Variants in LTBP1 observed in about 807,000 individuals in gnomAD.
LTBP1 encodes the protein latent-transforming growth factor beta-binding protein 1.
A neutral mutation model predicts 207.6 loss-of-function variants in LTBP1; 129 were observed. The observed-to-expected ratio is 0.62, with a 90% CI of 0.54 to 0.72. The LOEUF (loss-of-function observed/expected upper bound fraction) is 0.72. Ranked by LOEUF, LTBP1 falls within the 30% of genes least tolerant of loss-of-function variation. The pLI is 0.00. For missense variants in LTBP1, 2,281 were observed against 2,217.2 expected (o/e 1.03, Z -0.58); for synonymous variants, 963 against 833.7 (o/e 1.16, Z -2.67).
chr2:33,342,139 C>G (rs2094634841), intron 24 of LTBP1, among the ~76,000 whole-genome samples: 1 of 152,158 alleles, frequency 6.6e-6, no homozygotes, highest in South Asian at 2.1e-4. Context: ...TGAGGCATCA[C>G]TTTTATAAGA....
intron 26 of LTBP1, among the ~76,000 whole-genome samples, chr2:33,354,681 T>TAC (rs1491166665): frequency 9.1e-6 from 1 of 109,584 alleles, no homozygotes; most frequent in East Asian, 2.6e-4. Flanking sequence ...AAACTAAAAC[T>TAC]ATACACACAC....
At chr2:33,294,300 G>A (rs909377210) in intron 20 of LTBP1, among the ~76,000 whole-genome samples, 20 of 151,860 alleles carry the variant, frequency 1.3e-4, no homozygotes, top group African/African-American at 4.4e-4. Flanking sequence ...GGGTTCTAGC[G>A]AATCTCCTGC....
chr2:33,232,340 C>T (rs1019606705), intron 9 of LTBP1, among the ~76,000 whole-genome samples: 1 of 152,140 alleles, frequency 6.6e-6, no homozygotes, highest in Non-Finnish European at 1.5e-5. Context: ...TCAGAGGAGC[C>T]TGACTAGAGT....
At chr2:33,020,565 G>A (rs1049098765) in intron 2 of LTBP1, among the ~76,000 whole-genome samples, 3 of 152,076 alleles carry the variant, frequency 2.0e-5, no homozygotes, top group South Asian at 2.1e-4. Flanking sequence ...TTTCAAATCC[G>A]AGCTCTTCTA....
At chr2:33,203,443 C>T (rs1445700855) in intron 7 of LTBP1, among the ~76,000 whole-genome samples, 1 of 152,194 alleles carries the variant, frequency 6.6e-6, no homozygotes, top group Non-Finnish European at 1.5e-5. Flanking sequence ...ATTCTTAGAA[C>T]TTCAGAGAAT....
chr2:33,394,121 C>T (rs1379030778), intron 32 of LTBP1, among the ~76,000 whole-genome samples: 6 of 152,090 alleles, frequency 3.9e-5, no homozygotes, highest in South Asian at 4.1e-4. Context: ...TATCCTTCTC[C>T]CACTTTTTGA....
intron 7 of LTBP1, among the ~76,000 whole-genome samples, chr2:33,201,677 T>C (rs925716217): frequency 6.6e-6 from 1 of 152,052 alleles, no homozygotes; most frequent in African/African-American, 2.4e-5. Flanking sequence ...ACTTCAAGAT[T>C]AAGGTCTTTA....
intron 7 of LTBP1, among the ~76,000 whole-genome samples, chr2:33,208,442 C>T (rs2090038099): frequency 6.6e-6 from 1 of 152,104 alleles, no homozygotes; most frequent in African/African-American, 2.4e-5. Flanking sequence ...GTAGAGCTGC[C>T]CTTTGTGTGT....
chr2:33,133,541 G>A (rs770979419), intron 4 of LTBP1, among the ~76,000 whole-genome samples: 1 of 152,200 alleles, frequency 6.6e-6, no homozygotes, highest in Non-Finnish European at 1.5e-5. Context: ...AAAACAGTGT[G>A]TGTCTTGCAA....
Position 33,217,631 on chromosome 2 carries a change from G to A in LTBP1, c.1781G>A (p.Cys594Tyr). The change falls in exon 8 of 34, where the codon TGC becomes TAC. Residue 594 changes from cysteine to tyrosine, a missense_variant. Physicochemically the swap from Cys to Tyr is radical, Grantham distance 194. Transcript: ENST00000404816. ...GGTACCTCCTGGGGCTTTAACAAAT[G>A]CCAGAAATGCCCCAAGAAACCATGT... Reference protein sequence around the residue: ...TVGTSWGFNKCQKCPKKPSYH... With the variant: ...TVGTSWGFNKYQKCPKKPSYH... 1 of 1,613,498 alleles carries A rather than the reference G, an allele frequency of 6.2e-7. No homozygotes were observed. Among genetic ancestry groups the A allele is most frequent in the Non-Finnish European group, 8.5e-7 (1 of 1,179,586 alleles).
At chr2:33,343,977 A>G (rs2094666901) in intron 25 of LTBP1, among the ~76,000 whole-genome samples, 1 of 152,214 alleles carries the variant, frequency 6.6e-6, no homozygotes, top group South Asian at 2.1e-4. Context: ...AGCCATGTTC[A>G]CTACATGGCA....
At chr2:33,064,029 A>G (rs1572455603) in intron 3 of LTBP1, among the ~76,000 whole-genome samples, 1 of 151,548 alleles carries the variant, frequency 6.6e-6, no homozygotes, top group South Asian at 2.1e-4. Context: ...AATTTTTGTA[A>G]TTTTAGTTGA....
chr2:33,026,843 G>A (rs1251536004), intron 3 of LTBP1, among the ~76,000 whole-genome samples: 1 of 152,192 alleles, frequency 6.6e-6, no homozygotes, highest in African/African-American at 2.4e-5. Context: ...GTACAGTCTA[G>A]TGATGATCCC....
chr2:33,119,353 T>C (rs372175035), intron 4 of LTBP1, among the ~76,000 whole-genome samples: 13 of 152,330 alleles, frequency 8.5e-5, no homozygotes, highest in African/African-American at 2.9e-4. Context: ...TAATCATTAT[T>C]AGAACAGAAA....
At chr2:32,984,373 A>G (rs556434111) in intron 2 of LTBP1, among the ~76,000 whole-genome samples, 1 of 152,298 alleles carries the variant, frequency 6.6e-6, no homozygotes, top group East Asian at 1.9e-4. Context: ...AGTAAAACAC[A>G]TGGCTTTAAA....
chr2:33,206,965 G>T (rs10205851), intron 7 of LTBP1, among the ~76,000 whole-genome samples: 8,185 of 151,970 alleles, frequency 0.054, 736 homozygotes, highest in African/African-American at 0.19. Context: ...GTGTTGTTTT[G>T]CCCCAAGGAA....
At position 33,021,044 on chromosome 2, in the gene LTBP1, A is replaced by G; in HGVS notation, c.701A>G (p.Gln234Arg). ...QDTSSPVFGGQSPGAASSWGP... is the reference protein window; with the variant it reads ...QDTSSPVFGGRSPGAASSWGP... The stretch of plus-strand genomic sequence containing the variant: ...ACCTCGTCACCAGTCTTTGGAGGGC[A>G]GAGTCCTGGGGCTGCTTCCTCGTGG... The change falls in exon 3 of 34, where the codon CAG (glutamine) becomes CGG (arginine). Residue 234 changes from glutamine to arginine, a missense_variant. Gln to Arg is a conservative substitution (Grantham distance 43, BLOSUM62 1). This residue lies in a region of LTBP1 where 555 missense variants were observed against 491.0 expected (regional missense o/e 1.13). Transcript: ENST00000404816. The G allele has an allele frequency of 6.2e-7, 1 of 1,614,132 alleles. No homozygotes were observed.
At chr2:33,157,422 G>A (rs1024643948) in intron 5 of LTBP1, among the ~76,000 whole-genome samples, 2 of 152,196 alleles carry the variant, frequency 1.3e-5, no homozygotes, top group Non-Finnish European at 1.5e-5. Flanking sequence ...GAAATCAGTA[G>A]GGAACTGTTT....
At chr2:33,094,383 G>A (rs1368129270) in intron 3 of LTBP1, among the ~76,000 whole-genome samples, 2 of 152,142 alleles carry the variant, frequency 1.3e-5, no homozygotes, top group East Asian at 1.9e-4. Context: ...GTTGTCTCTA[G>A]ACTTGTTTCT....
Sources: allele counts gnomAD v4.1 joint callset (sites outside exome capture counted in the v4.1 genomes callset), GRCh38; gene constraint gnomAD v4.1.1; regional missense constraint gnomAD v4.1.1; transcripts MANE v1.5; gene names NCBI Gene and HGNC (gene_info 2026-07-23, HGNC 2026-07-21).